Variants in PLCL1 observed in about 807,000 individuals in gnomAD.
The protein encoded by PLCL1 is phospholipase C like 1 (inactive), also known as inactive phospholipase C-like protein 1.
PLCL1 carries 41 observed loss-of-function variants against 84.4 expected under a neutral mutation model. The observed-to-expected ratio is 0.49, with a 90% CI of 0.38 to 0.63. The LOEUF (loss-of-function observed/expected upper bound fraction) is 0.63, where lower values mean the gene tolerates loss of function less well. Among genes scored for constraint, PLCL1 ranks in the 30% least tolerant of loss-of-function variants. The pLI, the probability that PLCL1 is intolerant of heterozygous loss-of-function variation, is 0.00. For missense variants in PLCL1, 1,206 were observed against 1,367.8 expected, an observed-to-expected ratio of 0.88 and a Z score of 1.87; for synonymous variants, 490 against 488.3, an observed-to-expected ratio of 1.00 and a Z score of -0.05.
At chr2:198,133,407 A>G (rs1441022128) in intron 5 of PLCL1, among the ~76,000 whole-genome samples, 11 of 148,460 alleles carry the variant, frequency 7.4e-5, no homozygotes, top group South Asian at 2.2e-4. Context: ...GGATAGCATT[A>G]GGAGATATAC....
chr2:198,031,112 T>C (rs192327525), intron 1 of PLCL1, among the ~76,000 whole-genome samples: 3 of 151,380 alleles, frequency 2.0e-5, no homozygotes, highest in Non-Finnish European at 4.4e-5. Context: ...GATTTACACC[T>C]GTAATCCCAG....
chr2:197,947,110 C>T (rs554497196), intron 1 of PLCL1, among the ~76,000 whole-genome samples: 4 of 151,856 alleles, frequency 2.6e-5, no homozygotes, highest in Non-Finnish European at 4.4e-5. Flanking sequence ...GGTGAACATA[C>T]GTTTTCATGG....
intron 3 of PLCL1, among the ~76,000 whole-genome samples, chr2:198,096,530 A>G (rs915000742): frequency 6.6e-6 from 1 of 152,180 alleles, no homozygotes; most frequent in Admixed American, 6.5e-5. Flanking sequence ...TCTTAAATAT[A>G]TCATTCTGAA....
intron 1 of PLCL1, among the ~76,000 whole-genome samples, chr2:197,918,831 TA>T: frequency 6.6e-6 from 1 of 152,164 alleles, no homozygotes; most frequent in South Asian, 2.1e-4. Context: ...TCCCAGCTAC[TA>T]GGGGAGCCTG....
intron 5 of PLCL1, among the ~76,000 whole-genome samples, chr2:198,105,754 TACAAAATATCTA>T (rs1212679570): frequency 1.3e-5 from 2 of 151,894 alleles, no homozygotes; most frequent in East Asian, 3.9e-4. Context: ...AGAGACAAAG[TACAAAATATCTA>T]GGGCCATTGA....
intron 1 of PLCL1, among the ~76,000 whole-genome samples, chr2:197,997,965 T>A (rs1044709105): frequency 6.6e-6 from 1 of 152,210 alleles, no homozygotes; most frequent in African/African-American, 2.4e-5. Flanking sequence ...GGGTATTAAC[T>A]CTTTTCAGTT....
intron 1 of PLCL1, among the ~76,000 whole-genome samples, chr2:197,836,253 G>A (rs1691184495): frequency 6.6e-6 from 1 of 151,874 alleles, no homozygotes; most frequent in South Asian, 2.1e-4. Flanking sequence ...AGACCATCCC[G>A]GCTAAAACGG....
At chr2:197,914,328 T>C (rs1332028366) in intron 1 of PLCL1, among the ~76,000 whole-genome samples, 1 of 151,908 alleles carries the variant, frequency 6.6e-6, no homozygotes, top group Admixed American at 6.6e-5. Flanking sequence ...TAAATTTTTA[T>C]GTTATTTTTT....
chr2:198,056,279 T>C (rs1280261755), intron 1 of PLCL1, among the ~76,000 whole-genome samples: 2 of 152,206 alleles, frequency 1.3e-5, no homozygotes, highest in Non-Finnish European at 2.9e-5. Context: ...TTAATAATTT[T>C]TTTCTTATCC....
At chr2:198,090,412 CTCTT>C (rs977322186) in intron 3 of PLCL1, among the ~76,000 whole-genome samples, 1 of 151,544 alleles carries the variant, frequency 6.6e-6, no homozygotes, top group African/African-American at 2.4e-5. Context: ...ATTCACCAAA[CTCTT>C]TATAATGAAC....
At chr2:197,889,813 G>A (rs1687983136) in intron 1 of PLCL1, among the ~76,000 whole-genome samples, 1 of 152,062 alleles carries the variant, frequency 6.6e-6, no homozygotes, top group African/African-American at 2.4e-5. Flanking sequence ...TGTGGTTGGT[G>A]TGATTTTAAT....
intron 1 of PLCL1, among the ~76,000 whole-genome samples, chr2:197,885,275 A>T (rs1356911717): frequency 2.6e-5 from 4 of 152,194 alleles, no homozygotes; most frequent in African/African-American, 9.6e-5. Context: ...GCCATCTACA[A>T]GCTGGAGACC....
At chr2:197,828,373 A>C (rs1280699624) in intron 1 of PLCL1, among the ~76,000 whole-genome samples, 1 of 152,136 alleles carries the variant, frequency 6.6e-6, no homozygotes, top group Admixed American at 6.5e-5. Flanking sequence ...AACAGTAAAA[A>C]GCACAAAACA....
At chr2:198,018,942 A>G (rs1422882482) in intron 1 of PLCL1, among the ~76,000 whole-genome samples, 1 of 152,174 alleles carries the variant, frequency 6.6e-6, no homozygotes, top group African/African-American at 2.4e-5. Flanking sequence ...ACGGGGAAAT[A>G]TCTCCCAGCA....
intron 1 of PLCL1, among the ~76,000 whole-genome samples, chr2:198,068,758 A>G (rs1692376210): frequency 6.6e-6 from 1 of 152,250 alleles, no homozygotes; most frequent in African/African-American, 2.4e-5. Flanking sequence ...AGGCGGGCTT[A>G]CGCCTATAAT....
chr2:197,855,790 T>A (rs1415372249), intron 1 of PLCL1, among the ~76,000 whole-genome samples: 2 of 152,128 alleles, frequency 1.3e-5, no homozygotes, highest in African/African-American at 2.4e-5. Context: ...TTCACCTGAA[T>A]CCTGATTCAG....
chr2:197,836,552 C>T (rs1406342786), intron 1 of PLCL1, among the ~76,000 whole-genome samples: 2 of 146,440 alleles, frequency 1.4e-5, no homozygotes, highest in Admixed American at 1.4e-4. Flanking sequence ...GGAGATTTAA[C>T]TTAAGCTTGC....
chr2:198,134,573 G>A (rs1214104769), intron 5 of PLCL1, among the ~76,000 whole-genome samples: 2 of 152,090 alleles, frequency 1.3e-5, no homozygotes, highest in African/African-American at 4.8e-5. Context: ...GCTATGGGAT[G>A]GGCCAGCCGT....
At chr2:198,012,288 G>C (rs1244339228) in intron 1 of PLCL1, among the ~76,000 whole-genome samples, 2 of 152,108 alleles carry the variant, frequency 1.3e-5, no homozygotes, top group East Asian at 3.9e-4. Flanking sequence ...CCTATTCTTG[G>C]AGGGACAGGA....
Sources: allele counts gnomAD v4.1 joint callset (sites outside exome capture counted in the v4.1 genomes callset), GRCh38; gene constraint gnomAD v4.1.1; transcripts MANE v1.5; gene names NCBI Gene and HGNC (gene_info 2026-07-23, HGNC 2026-07-21).